Variants in EXOC2 observed in about 807,000 individuals in gnomAD.
EXOC2 encodes the protein exocyst complex component 2, also known as SEC5-like 1.
Under a neutral mutation model 131.8 loss-of-function variants are expected in EXOC2, and 70 were observed. The ratio of observed to expected loss-of-function variants is 0.53; its 90% confidence interval spans 0.44 to 0.65. EXOC2 has a LOEUF of 0.65. Ranked by LOEUF, EXOC2 falls within the 30% of genes least tolerant of loss-of-function variation. The pLI is 0.00. For missense variants in EXOC2, 923 were observed against 1,108.6 expected, an observed-to-expected ratio of 0.83 and a Z score of 2.38; for synonymous variants, 411 against 398.4, an observed-to-expected ratio of 1.03 and a Z score of -0.38.
At position 593,502 on chromosome 6, in the gene EXOC2, T is replaced by C. The variant is rs569107121; in HGVS notation, c.1074-915A>G. 8.5e-5 allele frequency among the ~76,000 whole-genome samples: 13 copies of C among 152,354 alleles called. No individual in the cohort carries two copies. The East Asian group carries it at 2.5e-3, about 29-fold the overall frequency. The stretch of plus-strand genomic sequence containing the variant: ...TTAGTTTCTAAATATTCTTAAAATA[T>C]ATCAAGTCTTTGTCTATAAAACACC... On this transcript the variant is annotated intron_variant, in intron 10 of 27. Transcript: ENST00000230449.
chr6:633,759 A>C (rs1761969826), intron 2 of EXOC2, among the ~76,000 whole-genome samples: 1 of 152,186 alleles, frequency 6.6e-6, no homozygotes, highest in Admixed American at 6.5e-5. Flanking sequence ...TTTCCTAATG[A>C]AACTGTCACT....
rs1434282844 is a variant in EXOC2, at chr6:485,551, T to A, written c.*1120A>T. On this transcript the variant is annotated 3_prime_UTR_variant, in exon 28 of 28. Transcript: ENST00000230449. ...ACAAAGAGAATTCCTCTCTGAAAAT[T>A]TTCAGATGCGACGGTATGAGGGAGT... 1 of 152,194 alleles carries A rather than the reference T, an allele frequency of 6.6e-6. No homozygotes were observed. The highest frequency in any genetic ancestry group is 2.4e-5 in the African/African-American group (1 of 41,440). 9.4% of individuals were successfully genotyped at this position (152,194 alleles called of 1,614,324 possible).
intron 1 of EXOC2, among the ~76,000 whole-genome samples, chr6:692,572 G>A (rs1407745202): frequency 6.6e-6 from 1 of 152,270 alleles, no homozygotes; most frequent in Non-Finnish European, 1.5e-5. Context: ...CGCCTTTTAA[G>A]CGCTCAGGAC....
intron 9 of EXOC2, among the ~76,000 whole-genome samples, chr6:598,651 C>T (rs1040575095): frequency 2.1e-4 from 32 of 152,136 alleles, no homozygotes; most frequent in African/African-American, 7.0e-4. Context: ...ACGTCTCAGG[C>T]GAACAACCTA....
At chr6:690,596 G>A (rs903693680) in intron 1 of EXOC2, among the ~76,000 whole-genome samples, 7 of 152,140 alleles carry the variant, frequency 4.6e-5, no homozygotes, top group Admixed American at 1.3e-4. Context: ...CCAGCTACTT[G>A]GGAGGCTGAG....
At chr6:488,250 A>C (rs1763202553) in intron 27 of EXOC2, among the ~76,000 whole-genome samples, 1 of 152,190 alleles carries the variant, frequency 6.6e-6, no homozygotes, top group Non-Finnish European at 1.5e-5. Context: ...CTGAGTCTGC[A>C]CTGCATTCAC....
chr6:535,526 T>C (rs1266523982), intron 22 of EXOC2, among the ~76,000 whole-genome samples: 2 of 152,150 alleles, frequency 1.3e-5, no homozygotes, highest in African/African-American at 4.8e-5. Context: ...ATTAAAAGGA[T>C]AGTAAAAGGA....
At chr6:577,596 T>C (rs945385914) in intron 11 of EXOC2, among the ~76,000 whole-genome samples, 2 of 152,208 alleles carry the variant, frequency 1.3e-5, no homozygotes, top group African/African-American at 2.4e-5. Context: ...TTGCCAAGCA[T>C]GTTAGTAAGG....
chr6:638,136 T>C (rs1040600858), intron 1 of EXOC2, among the ~76,000 whole-genome samples: 1 of 152,182 alleles, frequency 6.6e-6, no homozygotes, highest in Admixed American at 6.5e-5. Flanking sequence ...GAGAAACTAA[T>C]GTCACCACGT....
intron 11 of EXOC2, among the ~76,000 whole-genome samples, chr6:582,915 G>A (rs969291122): frequency 2.6e-5 from 4 of 152,088 alleles, no homozygotes; most frequent in African/African-American, 4.8e-5. Context: ...CATTTCGGAC[G>A]TGCATTTCAG....
chr6:658,898 G>T (rs1440477318), intron 1 of EXOC2, among the ~76,000 whole-genome samples: 1 of 151,882 alleles, frequency 6.6e-6, no homozygotes, highest in Non-Finnish European at 1.5e-5. Flanking sequence ...CTGATCTCAG[G>T]TAATCTGCCC....
chr6:512,119 G>A (rs1473801987), intron 23 of EXOC2, among the ~76,000 whole-genome samples: 2 of 152,230 alleles, frequency 1.3e-5, no homozygotes, highest in African/African-American at 4.8e-5. Flanking sequence ...CCTTTTGTCA[G>A]CAGGGGAGGG....
chr6:562,386 T>C (rs554111798), intron 17 of EXOC2, among the ~76,000 whole-genome samples: 2 of 152,376 alleles, frequency 1.3e-5, no homozygotes, highest in East Asian at 3.9e-4. Context: ...CCTGAGAATG[T>C]ATCTGCAGTG....
At chr6:566,641 C>T (rs1228275258) in intron 13 of EXOC2, among the ~76,000 whole-genome samples, 1 of 152,174 alleles carries the variant, frequency 6.6e-6, no homozygotes, top group African/African-American at 2.4e-5. Context: ...ACTGAGGTGA[C>T]AAATAGCTCT....
chr6:572,815 C>A (rs1194994855), intron 12 of EXOC2, among the ~76,000 whole-genome samples, 171 bp from the exon 13 acceptor site: 1 of 152,240 alleles, frequency 6.6e-6, no homozygotes, highest in Non-Finnish European at 1.5e-5. Context: ...CAGCGGTACG[C>A]TCGTCACCAG....
At chr6:582,559 C>CGCAGA (rs1554132418) in intron 11 of EXOC2, among the ~76,000 whole-genome samples, 4 of 150,488 alleles carry the variant, frequency 2.7e-5, no homozygotes. Context: ...CGGGAGCCTC[C>CGCAGA]GCAGACGCAG....
rs910757787 is a variant in EXOC2 at position 486,489 on chromosome 6, T to G, written c.*182A>C. ...TAAGAATGGCAAAACAAATACTTCC[T>G]GGGCATTTCAAATGAGGTCATTTTG... On this transcript the variant is annotated 3_prime_UTR_variant, in exon 28 of 28. Transcript: ENST00000230449. 8.8e-6 allele frequency: 5 copies of G among 566,064 alleles called. No individual in the cohort carries two copies. Among genetic ancestry groups the G allele is most frequent in the Middle Eastern group, 4.6e-4 (1 of 2,162 alleles). The allele number at this position is 566,064 out of a possible 1,614,324, so 35.1% of individuals were successfully genotyped here.
chr6:585,520 C>T (rs1305987117), intron 11 of EXOC2, among the ~76,000 whole-genome samples: 1 of 152,238 alleles, frequency 6.6e-6, no homozygotes, highest in Non-Finnish European at 1.5e-5. Flanking sequence ...CTGCCAAATG[C>T]TTCATCTACA....
intron 11 of EXOC2, among the ~76,000 whole-genome samples, chr6:582,579 G>T (rs1177398530): frequency 7.2e-6 from 1 of 139,258 alleles, no homozygotes; most frequent in Non-Finnish European, 1.6e-5. Context: ...GGCAGGATGG[G>T]ATTCCTTTCA....
Sources: gnomAD v4.1 joint callset for allele counts (sites outside exome capture counted in the v4.1 genomes callset) on GRCh38, gnomAD v4.1.1 for gene constraint, MANE v1.5 for transcripts, NCBI Gene and HGNC (gene_info 2026-07-23, HGNC 2026-07-21) for gene names.